Variants in RFTN2 observed in about 807,000 individuals in gnomAD.
RFTN2 encodes raftlin-2.
RFTN2 carries 34 observed loss-of-function variants against 52.7 expected under a neutral mutation model. The observed-to-expected ratio is 0.64, with a 90% CI of 0.49 to 0.86. The LOEUF is 0.86. Ranked by LOEUF, RFTN2 falls within the 40% of genes least tolerant of loss-of-function variation. The pLI is 0.00. For synonymous variants in RFTN2, 203 were observed against 217.7 expected (o/e 0.93, Z 0.59); for missense variants, 536 against 600.1 (o/e 0.89, Z 1.12).
intron 7 of RFTN2, among the ~76,000 whole-genome samples, chr2:197,611,368 C>T (rs957853847): frequency 1.3e-5 from 2 of 152,140 alleles, no homozygotes; most frequent in African/African-American, 2.4e-5. Context: ...GGAAGTCATC[C>T]CTTTCTTCTA....
intron 2 of RFTN2, among the ~76,000 whole-genome samples, chr2:197,645,382 A>G (rs1246920071): frequency 6.6e-6 from 1 of 152,204 alleles, no homozygotes; most frequent in Non-Finnish European, 1.5e-5. Flanking sequence ...ACACTCTATG[A>G]TGTTCACACA....
chr2:197,580,431 G>A (rs1489965877), intron 8 of RFTN2, among the ~76,000 whole-genome samples: 13 of 152,204 alleles, frequency 8.5e-5, no homozygotes, highest in Admixed American at 8.5e-4. Context: ...AATGCCCGCA[G>A]CCTGGGATTC....
At position 197,631,000 on chromosome 2, in the gene RFTN2, A is replaced by T; in HGVS notation, c.928+11T>A. 1 of 1,549,104 alleles carries T rather than the reference A, an allele frequency of 6.5e-7. No homozygotes were observed. Among genetic ancestry groups the T allele is most frequent in the Non-Finnish European group, 8.9e-7 (1 of 1,124,130 alleles). The stretch of plus-strand genomic sequence containing the variant: ...TCCTCAGATATAAAATATCATTAAC[A>T]TAAAACTTACCTTTAGATGTTTCCC... On this transcript the variant is annotated intron_variant, in intron 5 of 8. Transcript: ENST00000295049.
chr2:197,629,231 G>A (rs941776034), intron 5 of RFTN2, among the ~76,000 whole-genome samples: 4 of 152,192 alleles, frequency 2.6e-5, no homozygotes, highest in Non-Finnish European at 5.9e-5. Flanking sequence ...TTAAGAAAAT[G>A]TGGCACATAT....
intron 3 of RFTN2, 37 bp from the exon 4 acceptor site, chr2:197,634,034 ACT>A (rs763245725): frequency 7.8e-6 from 12 of 1,540,266 alleles, no homozygotes; most frequent in African/African-American, 1.4e-5. Context: ...CAAAATGTAA[ACT>A]CTATTTTCAT....
intron 7 of RFTN2, among the ~76,000 whole-genome samples, chr2:197,597,323 C>G (rs1452939311): frequency 6.6e-6 from 1 of 152,128 alleles, no homozygotes. Flanking sequence ...AACAAATCAT[C>G]ATGAGGCTTT....
At chr2:197,598,946 ATTCTTC>A (rs574524763) in intron 7 of RFTN2, among the ~76,000 whole-genome samples, 1 of 151,376 alleles carries the variant, frequency 6.6e-6, no homozygotes, top group Admixed American at 6.6e-5. Flanking sequence ...ATTTTACCAT[ATTCTTC>A]TTCTTCTTTT....
chr2:197,631,063 A>G lies in RFTN2; in HGVS notation c.876T>C (p.Tyr292=), dbSNP rs1277804191. The change falls in exon 5 of 9, where the codon TAT becomes TAC. Residue 292 remains tyrosine, a synonymous_variant. Coordinates refer to ENST00000295049, the MANE Select transcript of RFTN2 (RefSeq NM_144629.3). ...ADWLELTTFY[Y]KQGLSLIDSF... The stretch of plus-strand genomic sequence containing the variant: ...AATCAATTAAAGACAAGCCTTGTTT[A>G]TAATAAAAGGTAGTTAACTCCAGCC... 1.9e-6 allele frequency: 3 copies of G among 1,613,016 alleles called. No homozygotes were observed. The highest frequency in any genetic ancestry group is 4.5e-5 in the East Asian group (2 of 44,814).
At chr2:197,610,762 C>A (rs984809609) in intron 7 of RFTN2, among the ~76,000 whole-genome samples, 1 of 152,084 alleles carries the variant, frequency 6.6e-6, no homozygotes, top group African/African-American at 2.4e-5. Context: ...TCACAAATAG[C>A]TCTTATTATT....
At chr2:197,601,873 G>A (rs934974269) in intron 7 of RFTN2, among the ~76,000 whole-genome samples, 1 of 152,102 alleles carries the variant, frequency 6.6e-6, no homozygotes, top group African/African-American at 2.4e-5. Flanking sequence ...CGGAAGAAGA[G>A]ACAGGAGCAA....
chr2:197,619,466 C>T, intron 5 of RFTN2, among the ~76,000 whole-genome samples: 1 of 152,186 alleles, frequency 6.6e-6, no homozygotes, highest in South Asian at 2.1e-4. Flanking sequence ...CTCTCTGAAA[C>T]ATGTGCTGTA....
intron 1 of RFTN2, among the ~76,000 whole-genome samples, chr2:197,654,954 GC>G (rs1421289050): frequency 6.6e-6 from 1 of 151,730 alleles, no homozygotes; most frequent in Admixed American, 6.6e-5. Flanking sequence ...CCAAGATGGG[GC>G]AACTGCACTC....
intron 8 of RFTN2, among the ~76,000 whole-genome samples, chr2:197,589,807 T>C (rs141623626): frequency 2.0e-4 from 31 of 152,336 alleles, no homozygotes; most frequent in African/African-American, 7.0e-4. Flanking sequence ...GTGGCTTGTC[T>C]TTTCCTTCTG....
At chr2:197,620,664 G>A (rs1195339259) in intron 5 of RFTN2, among the ~76,000 whole-genome samples, 1 of 152,202 alleles carries the variant, frequency 6.6e-6, no homozygotes, top group African/African-American at 2.4e-5. Flanking sequence ...ATTGTTCAGA[G>A]TGGTTCCCAA....
chr2:197,616,623 G>A (rs754111321), intron 6 of RFTN2, among the ~76,000 whole-genome samples: 10 of 152,100 alleles, frequency 6.6e-5, no homozygotes, highest in Non-Finnish European at 1.5e-4. Flanking sequence ...TTCCTTAGCG[G>A]ATTTGGATCC....
chr2:197,656,383 A>AT (rs1400385986), intron 1 of RFTN2, among the ~76,000 whole-genome samples: 1 of 152,196 alleles, frequency 6.6e-6, no homozygotes, highest in Non-Finnish European at 1.5e-5. Flanking sequence ...TTGAATCCTG[A>AT]TTATGCCATT....
At chr2:197,633,507 A>G (rs955909294) in intron 4 of RFTN2, among the ~76,000 whole-genome samples, 2 of 152,134 alleles carry the variant, frequency 1.3e-5, no homozygotes, top group African/African-American at 4.8e-5. Flanking sequence ...TGTGGATGGC[A>G]TTTTATGTTC....
rs546052549 is a variant in RFTN2, at chr2:197,633,746, A to C, written c.690T>G (p.Pro230=). Residue 230 remains proline, a synonymous_variant, in exon 4 of 9, where the codon CCT becomes CCG. Coordinates refer to ENST00000295049, the MANE Select transcript of RFTN2 (RefSeq NM_144629.3). ...CTCCCTTTCTTGATTTAGAGGAAGT[A>C]GGGCTGCCATTTTGTTCCATTTGAT... is the stretch of plus-strand genomic sequence containing the variant. The part of the protein sequence containing the change: ...GQYQMEQNGS[P]TSSKSRKGEA... The C allele has an allele frequency of 1.2e-6, 2 of 1,613,560 alleles. No homozygotes were observed. Among genetic ancestry groups the C allele is most frequent in the Middle Eastern group, 1.7e-4 (1 of 6,056 alleles).
At chr2:197,653,266 G>C (rs1045316384) in intron 1 of RFTN2, among the ~76,000 whole-genome samples, 4 of 152,148 alleles carry the variant, frequency 2.6e-5, no homozygotes, top group African/African-American at 9.7e-5. Flanking sequence ...GGTGAAATTA[G>C]AGACATTCAG....
Sources: allele counts gnomAD v4.1 joint callset (sites outside exome capture counted in the v4.1 genomes callset), GRCh38; gene constraint gnomAD v4.1.1; transcripts MANE v1.5; gene names NCBI Gene and HGNC (gene_info 2026-07-23, HGNC 2026-07-21).